The following MYEF2 variants were observed in gnomAD, a reference collection of about 807,000 sequenced individuals.
The protein encoded by MYEF2 is myelin expression factor 2.
A neutral mutation model predicts 75.2 loss-of-function variants in MYEF2; 37 were observed. That is an observed-to-expected ratio of 0.49 (90% CI 0.38 to 0.65). MYEF2 has a LOEUF of 0.65. MYEF2 is among the 30% of genes least tolerant of loss of function. The pLI, the probability that MYEF2 is intolerant of heterozygous loss-of-function variation, is 0.00. For missense variants in MYEF2, 634 were observed against 771.4 expected (o/e 0.82, Z 2.11); for synonymous variants, 195 against 241.6 (o/e 0.81, Z 1.79).
intron 3 of MYEF2, among the ~76,000 whole-genome samples, chr15:48,166,558 T>C (rs2040140559): frequency 6.6e-6 from 1 of 152,040 alleles, no homozygotes. Context: ...TAAATATTAA[T>C]TTTATTTTTA....
intron 4 of MYEF2, 43 bp downstream of exon 4, chr15:48,166,078 A>C: frequency 2.5e-6 from 4 of 1,579,458 alleles, no homozygotes; most frequent in Non-Finnish European, 3.4e-6. Context: ...TTTTTTTCCA[A>C]AGTTTAATTT....
intron 16 of MYEF2, among the ~76,000 whole-genome samples, chr15:48,148,726 T>C (rs1191841463): frequency 6.6e-6 from 1 of 152,040 alleles, no homozygotes; most frequent in Non-Finnish European, 1.5e-5. Context: ...AATGATAATA[T>C]ATTTATCTTT....
chr15:48,147,742 T>C (rs890836443), intron 16 of MYEF2, among the ~76,000 whole-genome samples: 1 of 151,954 alleles, frequency 6.6e-6, no homozygotes, highest in Non-Finnish European at 1.5e-5. Context: ...AGAAAGAGAG[T>C]CAACAGAACA....
chr15:48,175,482 T>G (rs1013037872), intron 1 of MYEF2, among the ~76,000 whole-genome samples: 1 of 152,174 alleles, frequency 6.6e-6, no homozygotes, highest in Non-Finnish European at 1.5e-5. Context: ...AAAAATATGG[T>G]AGCTATGCGA....
chr15:48,164,678 G>C (rs2140908896), intron 5 of MYEF2, among the ~76,000 whole-genome samples: 1 of 152,222 alleles, frequency 6.6e-6, no homozygotes, highest in South Asian at 2.1e-4. Context: ...TTAAGAAATT[G>C]CAACAGCCAC....
Position 48,139,102 on chromosome 15 carries a change from G to C in MYEF2, c.*3806C>G. On this transcript the variant is annotated 3_prime_UTR_variant, in exon 17 of 17. Transcript: ENST00000324324. Reference sequence around the variant, plus strand: ...AAAAGTTTTGGAAAAACTACTTTGTGATAACCTTTTTCATGTCTGCAATAT... The same window carrying C: ...AAAAGTTTTGGAAAAACTACTTTGTCATAACCTTTTTCATGTCTGCAATAT... 1.9e-6 allele frequency: 3 copies of C among 1,613,134 alleles called. No individual in the cohort carries two copies. The highest frequency in any genetic ancestry group is 2.5e-6 in the Non-Finnish European group (3 of 1,179,384).
intron 3 of MYEF2, among the ~76,000 whole-genome samples, 190 bp from the exon 4 acceptor site, chr15:48,166,318 T>G (rs1188062124): frequency 6.6e-6 from 1 of 151,872 alleles, no homozygotes; most frequent in Admixed American, 6.6e-5. Flanking sequence ...TTTAAATATA[T>G]CTATTAAAGA....
intron 7 of MYEF2, 27 bp downstream of exon 7, chr15:48,158,742 A>G: frequency 6.2e-7 from 1 of 1,612,540 alleles, no homozygotes. Context: ...AACCTCATAA[A>G]CAATGCTGAA....
At chr15:48,156,482 G>T (rs1489071808) in intron 9 of MYEF2, among the ~76,000 whole-genome samples, 4 of 149,264 alleles carry the variant, frequency 2.7e-5, no homozygotes, top group Non-Finnish European at 3.0e-5. Context: ...AAAATCCTTA[G>T]AAAAATAGAA....
Position 48,136,423 on chromosome 15 carries a change from G to T in MYEF2, c.*6485C>A. 2 of 313,810 alleles carry T rather than the reference G, an allele frequency of 6.4e-6. No individual in the cohort carries two copies. Among genetic ancestry groups the T allele is most frequent in the Admixed American group, 4.9e-5 (1 of 20,396 alleles). 19.4% of individuals were successfully genotyped at this position (313,810 alleles called of 1,614,324 possible). Reference sequence around the variant, plus strand: ...CATTTTTATACCTATCATTTGGAAGGAATCTACAAGTAAAAACGAGTTTGT... The same window carrying T: ...CATTTTTATACCTATCATTTGGAAGTAATCTACAAGTAAAAACGAGTTTGT... On this transcript the variant is annotated 3_prime_UTR_variant, in exon 17 of 17. Coordinates refer to ENST00000324324, the MANE Select transcript of MYEF2 (RefSeq NM_016132.5).
chr15:48,162,401 T>C (rs2039974347), intron 5 of MYEF2, among the ~76,000 whole-genome samples: 1 of 152,178 alleles, frequency 6.6e-6, no homozygotes, highest in South Asian at 2.1e-4. Context: ...GTAGGTGCTA[T>C]CATTACTCCC....
At position 48,143,726 on chromosome 15, in the gene MYEF2, A is replaced by G. The variant is rs542943416; in HGVS notation, c.1640-655T>C. 2.6e-5 allele frequency among the ~76,000 whole-genome samples: 4 copies of G among 152,146 alleles called. No homozygotes were observed. The South Asian group carries it at 8.3e-4, about 31-fold the overall frequency. On this transcript the variant is annotated intron_variant, in intron 16 of 16. Transcript: ENST00000324324. ...CAATAAAGGTAAAAACAGTGATGTC[A>G]AGGAGAATATCAGAGAAGCTTCAGG... is the stretch of plus-strand genomic sequence containing the variant.
intron 14 of MYEF2, 83 bp downstream of exon 14, chr15:48,151,017 A>C (rs936991204): frequency 1.2e-6 from 1 of 862,020 alleles, no homozygotes; most frequent in African/African-American, 1.7e-5. Flanking sequence ...ACAAAGTATT[A>C]CTATACTACG....
Position 48,167,313 on chromosome 15 carries a change from T to C in MYEF2, c.423+36A>G, listed in dbSNP as rs191160140. On this transcript the variant is annotated intron_variant, in intron 3 of 16. Transcript: ENST00000324324. Reference sequence around the variant, plus strand: ...CAAAAAGTAAACTGCTGAGGAACTTTTAAACCTCAAGCAGATTATTGCCCA... The same window carrying C: ...CAAAAAGTAAACTGCTGAGGAACTTCTAAACCTCAAGCAGATTATTGCCCA... 4.4e-6 allele frequency: 7 copies of C among 1,605,588 alleles called. No individual in the cohort carries two copies. The Admixed American group carries it at 1.2e-4, about 27-fold the overall frequency.
At position 48,159,639 on chromosome 15, in the gene MYEF2, G is replaced by A; in HGVS notation, c.691C>T (p.Leu231Phe). Reference protein sequence around the residue: ...EVISNLQAGRLGSTIFVANLD... With the variant: ...EVISNLQAGRFGSTIFVANLD... ...TTGGCAACAAAAATTGTGGAACCAA[G>A]TCTACCGGCCTGCAAATTACTGATG... The change falls in exon 6 of 17, where the codon CTT becomes TTT. Residue 231 changes from leucine (L) to phenylalanine (F), a missense_variant. Coordinates refer to ENST00000324324, the MANE Select transcript of MYEF2 (RefSeq NM_016132.5). 1.9e-6 allele frequency: 3 copies of A among 1,611,562 alleles called. No individual in the cohort carries two copies. In the South Asian group the frequency reaches 3.3e-5, roughly 18 times the overall value.
intron 5 of MYEF2, among the ~76,000 whole-genome samples, chr15:48,164,073 T>C (rs1322974334): frequency 6.6e-6 from 1 of 152,168 alleles, no homozygotes; most frequent in Non-Finnish European, 1.5e-5. Context: ...ATTTAAGAAA[T>C]ACAATTTGTA....
In MYEF2 at chr15:48,136,607, T is replaced by A. The variant is rs1365406214; in HGVS notation, c.*6301A>T. The A allele has an allele frequency of 2.1e-5, 28 of 1,334,320 alleles. No homozygotes were observed. In the East Asian group the frequency reaches 6.3e-4, roughly 30 times the overall value. The allele number at this position is 1,334,320 out of a possible 1,614,324, so 82.7% of individuals were successfully genotyped here. ...CTACTTTTGTTAGAAAATCATTCAA[T>A]AGATACTGCCCAAAAGCTATCAACT... On this transcript the variant is annotated 3_prime_UTR_variant, in exon 17 of 17. Coordinates refer to ENST00000324324, the MANE Select transcript of MYEF2 (RefSeq NM_016132.5).
chr15:48,155,853 C>T (rs1473256232), intron 9 of MYEF2, among the ~76,000 whole-genome samples: 4 of 150,502 alleles, frequency 2.7e-5, no homozygotes, highest in African/African-American at 9.8e-5. Flanking sequence ...CAGCTCACTG[C>T]AACCTCTGCC....
chr15:48,173,621 CA>C (rs1400344969), intron 1 of MYEF2, among the ~76,000 whole-genome samples: 1 of 151,632 alleles, frequency 6.6e-6, no homozygotes, highest in African/African-American at 2.4e-5. Context: ...AAGACAACAC[CA>C]AAAAAACTAT....
Sources: allele counts gnomAD v4.1 joint callset (sites outside exome capture counted in the v4.1 genomes callset), GRCh38; gene constraint gnomAD v4.1.1; transcripts MANE v1.5; gene names NCBI Gene and HGNC (gene_info 2026-07-23, HGNC 2026-07-21).